The following SRL variants were observed in gnomAD, a reference collection of about 807,000 sequenced individuals.
SRL encodes the protein sarcalumenin.
Under a neutral mutation model 39.5 loss-of-function variants are expected in SRL, and 23 were observed. The ratio of observed to expected loss-of-function variants is 0.58; its 90% CI spans 0.42 to 0.82. SRL has a LOEUF of 0.82. SRL is among the 40% of genes least tolerant of loss of function. The probability of loss-of-function intolerance (pLI) is 0.00; values close to 1 mark genes in which losing one functional copy is unlikely to be tolerated. For missense variants in SRL, 592 were observed against 607.8 expected, an observed-to-expected ratio of 0.97 and a Z score of 0.27; for synonymous variants, 272 against 237.4, an observed-to-expected ratio of 1.15 and a Z score of -1.34.
At chr16:4,205,181 G>T (rs2052302845) in intron 1 of SRL, among the ~76,000 whole-genome samples, 2 of 152,040 alleles carry the variant, frequency 1.3e-5, no homozygotes, top group Admixed American at 6.6e-5. Context: ...TTTCCAAGGA[G>T]TGGTGCACAC....
rs530389835 is a variant in SRL, at chr16:4,214,367, CCTCTGACCATTA to C, written c.62-9745_62-9734del. The stretch of plus-strand genomic sequence containing the variant: ...TCCAAAGTCATGCGTAAGTAAAATA[CCTCTGACCATTA>C]CTCATACACAGTTATGCAAATCAGT... On this transcript the variant is annotated intron_variant, in intron 1 of 5. Transcript: ENST00000399609. 5.7e-3 allele frequency among the ~76,000 whole-genome samples: 870 copies of C among 152,328 alleles called. 6 individuals are homozygous for C. Among genetic ancestry groups the C allele is most frequent in the Non-Finnish European group, 9.0e-3 (612 of 68,030 alleles).
intron 1 of SRL, 134 bp from the exon 2 acceptor site, chr16:4,204,768 C>T (rs1437175904): frequency 1.9e-5 from 13 of 688,558 alleles, no homozygotes; most frequent in Non-Finnish European, 3.3e-5. Flanking sequence ...CTGGACTGAG[C>T]TCTGCCTTTA....
chr16:4,199,239 C>A lies in SRL; in HGVS notation c.260-1324G>T, dbSNP rs559224255. On this transcript the variant is annotated intron_variant, in intron 3 of 5. Coordinates refer to ENST00000399609, the MANE Select transcript of SRL (RefSeq NM_001098814.2). ...AGGTAAACAGTGAAAAGTCTCCCAT[C>A]TCCATCCCAGTCTGCCTCAGCCCTG... 2.4e-4 allele frequency among the ~76,000 whole-genome samples: 36 copies of A among 152,268 alleles called. 3 individuals are homozygous for A. The highest frequency in any genetic ancestry group is 2.1e-3 in the East Asian group (11 of 5,186).
intron 1 of SRL, among the ~76,000 whole-genome samples, chr16:4,223,095 G>T (rs935650739): frequency 6.6e-6 from 1 of 151,932 alleles, no homozygotes; most frequent in African/African-American, 2.4e-5. Flanking sequence ...AGCCGGGCAT[G>T]GTGACGGGCG....
chr16:4,200,804 G>A (rs756591029), intron 3 of SRL, among the ~76,000 whole-genome samples: 14 of 152,202 alleles, frequency 9.2e-5, no homozygotes, highest in South Asian at 8.3e-4. Context: ...AACCCAGCAC[G>A]TCTCTGGGCC....
intron 1 of SRL, among the ~76,000 whole-genome samples, chr16:4,238,708 G>A (rs1021244097): frequency 3.3e-5 from 5 of 150,416 alleles, no homozygotes; most frequent in Admixed American, 1.3e-4. Flanking sequence ...ACTGCAGCCT[G>A]ACCACCCAGG....
rs2052127318 is a variant in SRL, at chr16:4,195,623, G to T, written c.540C>A (p.His180Gln). Residue 180 changes from histidine (H) to glutamine (Q), a missense_variant, in exon 5 of 6, where the codon CAC becomes CAA. Physicochemically the swap from His to Gln is conservative, Grantham distance 24 (BLOSUM62 0). Coordinates refer to ENST00000399609, the MANE Select transcript of SRL (RefSeq NM_001098814.2). ...CAAAAGTGACCCTCTCCAGAAGTTT[G>T]TGGGGAACCTCAATGCCAATCAGCT... The part of the protein sequence containing the change: ...LEKLIGIEVP[H>Q]KLLERVTFVD... 1 of 1,614,258 alleles carries T rather than the reference G, an allele frequency of 6.2e-7. No individual in the cohort carries two copies. Among genetic ancestry groups the T allele is most frequent in the Non-Finnish European group, 8.5e-7 (1 of 1,180,056 alleles).
intron 1 of SRL, among the ~76,000 whole-genome samples, chr16:4,227,047 GATGA>G (rs1458149675): frequency 1.6e-3 from 200 of 125,114 alleles, no homozygotes; most frequent in African/African-American, 5.8e-3. Context: ...TGGATGGATG[GATGA>G]ATGGATGGAT....
intron 1 of SRL, among the ~76,000 whole-genome samples, chr16:4,215,126 G>A (rs2052442015): frequency 6.6e-6 from 1 of 152,182 alleles, no homozygotes; most frequent in Admixed American, 6.5e-5. Flanking sequence ...TGCCCATAAG[G>A]ACCCGAGAAG....
intron 1 of SRL, among the ~76,000 whole-genome samples, chr16:4,219,316 C>T (rs1331555132): frequency 6.6e-6 from 1 of 152,262 alleles, no homozygotes; most frequent in African/African-American, 2.4e-5. Flanking sequence ...GCTTTGGATG[C>T]TCACATCCTG....
Position 4,192,942 on chromosome 16 carries a change from G to C in SRL, c.633C>G (p.Cys211Trp), listed in dbSNP as rs749511268. The change falls in exon 6 of 6, where the codon TGC becomes TGG. Residue 211 changes from cysteine (C) to tryptophan (W), a missense_variant. Coordinates refer to ENST00000399609, the MANE Select transcript of SRL (RefSeq NM_001098814.2). This position sits in a 1 kb window ranked among gnomAD's most constrained non-coding sequence, Gnocchi z 4.0. ...QERGYPFNDV[C>W]QWFIDRADLI... ...GGTCAGCTCTGTCGATGAACCACTG[G>C]CACACGTCGTTGAAGGGGTAGCCTT... The C allele has an allele frequency of 1.2e-6, 2 of 1,611,842 alleles. No homozygotes were observed. The highest frequency in any genetic ancestry group is 1.7e-6 in the Non-Finnish European group (2 of 1,179,030).
At chr16:4,212,671 G>A (rs891691841) in intron 1 of SRL, among the ~76,000 whole-genome samples, 13 of 152,120 alleles carry the variant, frequency 8.5e-5, no homozygotes, top group Admixed American at 6.5e-5. Flanking sequence ...CGGGACTGAC[G>A]TCAGGGCACA....
rs1301946472 is a variant in SRL at position 4,242,044 on chromosome 16, G to A, written c.24C>T (p.Gly8=). 2.5e-6 allele frequency: 4 copies of A among 1,613,040 alleles called. No individual in the cohort carries two copies. The highest frequency in any genetic ancestry group is 3.4e-6 in the Non-Finnish European group (4 of 1,179,834). Residue 8 remains glycine (G), a synonymous_variant, in exon 1 of 6, where the codon GGC becomes GGT. Coordinates refer to ENST00000399609, the MANE Select transcript of SRL (RefSeq NM_001098814.2). ...AGAACAGGAGCGAGGCCAGGAGGCA[G>A]CCGAGCAGGACCAGCGCCCTCATGG... MRALVLL[G]CLLASLLFSG...
Position 4,195,759 on chromosome 16 carries a change from G to T in SRL, c.404C>A (p.Thr135Lys). ...TGAEPTTSEF[T>K]VLMHGPKLKT... ...CAGCTTAGGCCCATGCATGAGGACCGTGAACTCAGAGGTGGTGGGTTCAGC... is the reference window on the plus strand; with the variant it reads ...CAGCTTAGGCCCATGCATGAGGACCTTGAACTCAGAGGTGGTGGGTTCAGC... Residue 135 changes from threonine to lysine, a missense_variant, in exon 5 of 6, where the codon ACG (threonine) becomes AAG (lysine). By Grantham distance (78) the Thr-to-Lys change is moderately conservative (BLOSUM62 -1). Transcript: ENST00000399609. The T allele has an allele frequency of 6.2e-7, 1 of 1,613,962 alleles. No homozygotes were observed. The highest frequency in any genetic ancestry group is 8.5e-7 in the Non-Finnish European group (1 of 1,179,958).
rs867786447 is a variant in SRL at position 4,197,129 on chromosome 16, C to A, written c.376+670G>T. Among the ~76,000 whole-genome samples the A allele has an allele frequency of 1.4e-4, 17 of 121,998 alleles. No homozygotes were observed. The South Asian group carries it at 1.9e-3, about 14-fold the overall frequency. 80.0% of individuals were successfully genotyped at this position (121,998 alleles called of 152,430 possible). Reference sequence around the variant, plus strand: ...TGTCGCCCAGGCTGGAGTGCAGTGGCGCGATTTTGGCTCACTGCAACCTCT... The same window carrying A: ...TGTCGCCCAGGCTGGAGTGCAGTGGAGCGATTTTGGCTCACTGCAACCTCT... On this transcript the variant is annotated intron_variant, in intron 4 of 5. Coordinates refer to ENST00000399609, the MANE Select transcript of SRL (RefSeq NM_001098814.2).
chr16:4,192,937 C>A lies in SRL; in HGVS notation c.638G>T (p.Trp213Leu), dbSNP rs1017763742. The A allele has an allele frequency of 6.2e-7, 1 of 1,612,554 alleles. No homozygotes were observed. Residue 213 changes from tryptophan to leucine, a missense_variant, in exon 6 of 6, where the codon TGG becomes TTG. By Grantham distance (61) the Trp-to-Leu change is moderately conservative. Transcript: ENST00000399609. The surrounding 1 kb of genome is among the most constrained non-coding windows in gnomAD (Gnocchi z 4.0). ...GATGAGGTCAGCTCTGTCGATGAAC[C>A]ACTGGCACACGTCGTTGAAGGGGTA... ...RGYPFNDVCQ[W>L]FIDRADLIFV... is the part of the protein sequence containing the mutation.
chr16:4,226,872 G>A (rs2052596355), intron 1 of SRL, among the ~76,000 whole-genome samples: 1 of 150,778 alleles, frequency 6.6e-6, no homozygotes, highest in African/African-American at 2.4e-5. Context: ...TGGAAGGATG[G>A]ATAGGAAGAA....
intron 1 of SRL, among the ~76,000 whole-genome samples, chr16:4,205,269 A>T (rs977984579): frequency 1.3e-5 from 2 of 151,954 alleles, no homozygotes. Flanking sequence ...AGCCATGACC[A>T]CCCCACTGCA....
chr16:4,193,134 A>G (rs1055113054), intron 5 of SRL, among the ~76,000 whole-genome samples, 170 bp from the exon 6 acceptor site: 2 of 152,180 alleles, frequency 1.3e-5, no homozygotes, highest in African/African-American at 4.8e-5. Flanking sequence ...GTCCCTTGCC[A>G]ATCTTCAACC....
Sources: allele counts gnomAD v4.1 joint callset (sites outside exome capture counted in the v4.1 genomes callset), GRCh38; gene constraint gnomAD v4.1.1; non-coding constraint Gnocchi (gnomAD v3.1); transcripts MANE v1.5; gene names NCBI Gene and HGNC (gene_info 2026-07-23, HGNC 2026-07-21).